The following GPC5 variants were observed in gnomAD, a reference collection of about 807,000 sequenced individuals.
GPC5 encodes glypican-5.
Under a neutral mutation model 53.9 loss-of-function variants are expected in GPC5, and 47 were observed. The observed-to-expected ratio is 0.87, with a 90% confidence interval of 0.69 to 1.11. GPC5 has a LOEUF of 1.11. Among genes scored for constraint, GPC5 ranks in the 50% most tolerant of loss-of-function variants. The pLI is 0.00. For missense variants in GPC5, 748 were observed against 713.1 expected (o/e 1.05, Z -0.56); for synonymous variants, 286 against 263.3 (o/e 1.09, Z -0.84).
rs1315690568 is a variant in GPC5 at position 92,428,001 on chromosome 13, A to AT, written c.1561+283018dup. On this transcript the variant is annotated intron_variant, in intron 7 of 7. Transcript: ENST00000377067. Reference sequence around the variant, plus strand: ...GAGTAGTTTTCAGACAGCCTGTATCATTTTTTGTTTTCCACTTGCATGTTT... The same window carrying AT: ...GAGTAGTTTTCAGACAGCCTGTATCATTTTTTTGTTTTCCACTTGCATGTTT... Among the ~76,000 whole-genome samples, 4 of 152,272 alleles carry AT rather than the reference A, an allele frequency of 2.6e-5. No individual in the cohort carries two copies. In the East Asian group the frequency reaches 7.7e-4, roughly 29 times the overall value.
intron 5 of GPC5, among the ~76,000 whole-genome samples, chr13:91,772,379 A>G (rs1171644959): frequency 6.6e-6 from 1 of 152,204 alleles, no homozygotes; most frequent in Non-Finnish European, 1.5e-5. Context: ...GAAATTGGCT[A>G]GAAATCGTTA....
intron 3 of GPC5, among the ~76,000 whole-genome samples, chr13:91,721,109 CTTTCTTTCTTTCTTTCTT>C (rs2036459898): frequency 8.9e-6 from 1 of 112,784 alleles, no homozygotes; most frequent in Non-Finnish European, 2.0e-5. Flanking sequence ...TTCTTTCTTT[CTTTCTTTCTTTCTTTCTT>C]TCTTTCTTTC....
chr13:91,496,441 T>A (rs1001421183), intron 2 of GPC5, among the ~76,000 whole-genome samples: 2 of 152,232 alleles, frequency 1.3e-5, no homozygotes, highest in Non-Finnish European at 2.9e-5. Context: ...GGAGCACTAT[T>A]CAACCATAAA....
chr13:92,068,794 T>G (rs2041187197), intron 6 of GPC5, among the ~76,000 whole-genome samples: 1 of 151,764 alleles, frequency 6.6e-6, no homozygotes, highest in Non-Finnish European at 1.5e-5. Flanking sequence ...TGTTTTTAAT[T>G]TATTGTACTT....
At chr13:91,933,164 C>G (rs2039837642) in intron 6 of GPC5, among the ~76,000 whole-genome samples, 1 of 151,862 alleles carries the variant, frequency 6.6e-6, no homozygotes, top group Non-Finnish European at 1.5e-5. Flanking sequence ...TTCTTTGGCT[C>G]TCACAACAGG....
intron 2 of GPC5, among the ~76,000 whole-genome samples, chr13:91,453,739 G>T (rs1881348455): frequency 6.6e-6 from 1 of 151,672 alleles, no homozygotes; most frequent in Non-Finnish European, 1.5e-5. Flanking sequence ...TACTTAGCAA[G>T]AAAATGGTTC....
intron 7 of GPC5, among the ~76,000 whole-genome samples, chr13:92,631,934 A>G (rs1250795415): frequency 6.6e-6 from 1 of 152,208 alleles, no homozygotes; most frequent in African/African-American, 2.4e-5. Context: ...CTCATTATGT[A>G]TATGCAAATA....
chr13:92,792,021 C>T (rs191467690), intron 7 of GPC5, among the ~76,000 whole-genome samples: 1 of 151,882 alleles, frequency 6.6e-6, no homozygotes, highest in Non-Finnish European at 1.5e-5. Flanking sequence ...AAAGCTCTCA[C>T]CTGGAAGGGC....
At chr13:92,447,885 A>G (rs911656461) in intron 7 of GPC5, 14 of 152,142 alleles carry the variant, frequency 9.2e-5, no homozygotes, top group Non-Finnish European at 2.1e-4. Flanking sequence ...AGTACAATTA[A>G]CTATGATTTA....
chr13:92,117,576 G>A lies in GPC5; in HGVS notation c.1402-27254G>A, dbSNP rs139854171. ...GGTACTTAATTAGTGTATTTGGGAAGAATCGACATCTCAAGAATATTGAGT... is the reference window on the plus strand; with the variant it reads ...GGTACTTAATTAGTGTATTTGGGAAAAATCGACATCTCAAGAATATTGAGT... On this transcript the variant is annotated intron_variant, in intron 6 of 7. Transcript: ENST00000377067. Among the ~76,000 whole-genome samples, 184 of 152,254 alleles carry A rather than the reference G, an allele frequency of 1.2e-3. 5 individuals carry two copies. The East Asian group carries it at 0.032, about 26-fold the overall frequency.
intron 7 of GPC5, among the ~76,000 whole-genome samples, chr13:92,724,316 G>GCATTTATTAA (rs1888578892): frequency 6.6e-6 from 1 of 151,442 alleles, no homozygotes; most frequent in Non-Finnish European, 1.5e-5. Context: ...AAGATATCAG[G>GCATTTATTAA]CACATAAATG....
At chr13:91,410,825 G>T (rs1321179409) in intron 1 of GPC5, among the ~76,000 whole-genome samples, 1 of 152,008 alleles carries the variant, frequency 6.6e-6, no homozygotes, top group Non-Finnish European at 1.5e-5. Flanking sequence ...TCATAGACAA[G>T]GTTTAAGAAC....
intron 7 of GPC5, among the ~76,000 whole-genome samples, chr13:92,369,368 A>G (rs6492606): frequency 0.42 from 63,614 of 151,886 alleles, 13,431 homozygotes; most frequent in Middle Eastern, 0.52. Context: ...TGTAGAAATG[A>G]GGTTTTGCCA....
At chr13:92,511,880 A>C (rs1360671) in intron 7 of GPC5, among the ~76,000 whole-genome samples, 121,792 of 151,932 alleles carry the variant, frequency 0.8, 48,798 homozygotes, top group Admixed American at 0.82. Context: ...TCAGTAGGTT[A>C]TGCTTGTTAT....
intron 7 of GPC5, among the ~76,000 whole-genome samples, chr13:92,517,981 A>C (rs1195118149): frequency 6.6e-6 from 1 of 152,202 alleles, no homozygotes; most frequent in African/African-American, 2.4e-5. Context: ...GAAGTCCTTA[A>C]ATGACCTGAT....
At chr13:92,512,413 A>ATATATTTTATTTT (rs1270453114) in intron 7 of GPC5, among the ~76,000 whole-genome samples, 1 of 152,178 alleles carries the variant, frequency 6.6e-6, no homozygotes. Context: ...GCAACAAATA[A>ATATATTTTATTTT]TAAGATTTTA....
intron 6 of GPC5, among the ~76,000 whole-genome samples, chr13:92,110,266 A>G (rs2041546643): frequency 6.6e-6 from 1 of 152,148 alleles, no homozygotes; most frequent in African/African-American, 2.4e-5. Context: ...GTGGAAGGGA[A>G]TTTTTACTCA....
intron 7 of GPC5, among the ~76,000 whole-genome samples, chr13:92,649,379 G>C (rs1230730290): frequency 6.6e-6 from 1 of 151,950 alleles, no homozygotes. Context: ...TATTCACATT[G>C]CTTTGTTTAT....
intron 5 of GPC5, among the ~76,000 whole-genome samples, chr13:91,847,671 T>C (rs938891570): frequency 6.6e-6 from 1 of 152,158 alleles, no homozygotes; most frequent in African/African-American, 2.4e-5. Context: ...TTAGTAAATA[T>C]TACAGGAAGA....
Sources: allele counts gnomAD v4.1 joint callset (sites outside exome capture counted in the v4.1 genomes callset), GRCh38; gene constraint gnomAD v4.1.1; transcripts MANE v1.5; gene names NCBI Gene and HGNC (gene_info 2026-07-23, HGNC 2026-07-21).